CYTH1: variants seen among roughly 807,000 people sequenced by gnomAD.
CYTH1 encodes the protein cytohesin-1.
A neutral mutation model predicts 61.8 loss-of-function variants in CYTH1; 18 were observed. The ratio of observed to expected loss-of-function variants is 0.29; its 90% CI spans 0.20 to 0.43. The LOEUF is 0.43. Ranked by LOEUF, CYTH1 falls within the 20% of genes least tolerant of loss-of-function variation. CYTH1 has a pLI of 1.00. For synonymous variants in CYTH1, 174 were observed against 184.3 expected, an observed-to-expected ratio of 0.94 and a Z score of 0.45; for missense variants, 336 against 510.5, an observed-to-expected ratio of 0.66 and a Z score of 3.29.
intron 1 of CYTH1, among the ~76,000 whole-genome samples, chr17:78,712,396 T>C (rs934995502): frequency 6.6e-6 from 1 of 152,090 alleles, no homozygotes; most frequent in African/African-American, 2.4e-5. Context: ...CTCACACCTG[T>C]AATCTCAGCA....
chr17:78,735,377 C>T (rs957290229), intron 1 of CYTH1, among the ~76,000 whole-genome samples: 29 of 152,224 alleles, frequency 1.9e-4, no homozygotes, highest in African/African-American at 7.0e-4. Flanking sequence ...CTCCTGCTGT[C>T]CCAGCATAGT....
At chr17:78,754,296 C>T (rs921457122) in intron 1 of CYTH1, among the ~76,000 whole-genome samples, 2 of 152,250 alleles carry the variant, frequency 1.3e-5, no homozygotes, top group Middle Eastern at 3.4e-3. Flanking sequence ...CTAGTTTTTA[C>T]GTGACTTTCC....
chr17:78,745,194 A>C (rs2093355244), intron 1 of CYTH1, among the ~76,000 whole-genome samples: 1 of 152,146 alleles, frequency 6.6e-6, no homozygotes. Flanking sequence ...GAAGACCTCG[A>C]AGAACTCTGG....
chr17:78,750,815 A>C (rs1316696608), intron 1 of CYTH1, among the ~76,000 whole-genome samples: 1 of 147,918 alleles, frequency 6.8e-6, no homozygotes, highest in East Asian at 2.0e-4. Flanking sequence ...AAAAAAAAAA[A>C]CAAAAATAGT....
At chr17:78,693,782 C>T (rs1474361316) in intron 10 of CYTH1, among the ~76,000 whole-genome samples, 1 of 152,192 alleles carries the variant, frequency 6.6e-6, no homozygotes, top group Non-Finnish European at 1.5e-5. Flanking sequence ...CTCCACCTCT[C>T]TCCCATCAAG....
At chr17:78,692,073 T>G in intron 11 of CYTH1, 1 of 211,590 alleles carries the variant, frequency 4.7e-6, no homozygotes, top group Non-Finnish European at 9.4e-6. Flanking sequence ...TCCCTTTCAA[T>G]TAGGGCCACA....
chr17:78,756,794 T>C (rs937441218), intron 1 of CYTH1, among the ~76,000 whole-genome samples: 3 of 151,020 alleles, frequency 2.0e-5, no homozygotes, highest in Non-Finnish European at 2.9e-5. Context: ...GCCACTGCAC[T>C]CCAGCCTCGG....
At chr17:78,713,089 AT>A in intron 1 of CYTH1, among the ~76,000 whole-genome samples, 1 of 147,536 alleles carries the variant, frequency 6.8e-6, no homozygotes. Context: ...ATTAAAAAAT[AT>A]ATATATATAT....
intron 1 of CYTH1, among the ~76,000 whole-genome samples, chr17:78,753,196 A>G (rs1018585128): frequency 2.0e-5 from 3 of 152,184 alleles, no homozygotes; most frequent in Non-Finnish European, 4.4e-5. Flanking sequence ...GTGGTTGCTC[A>G]TGCCTTCAAT....
intron 1 of CYTH1, among the ~76,000 whole-genome samples, chr17:78,766,289 A>C: frequency 6.6e-6 from 1 of 152,132 alleles, no homozygotes; most frequent in East Asian, 1.9e-4. Context: ...AAAAAGGCTA[A>C]GAGAAGCCAT....
At chr17:78,739,909 T>C (rs1181429057) in intron 1 of CYTH1, among the ~76,000 whole-genome samples, 2 of 149,544 alleles carry the variant, frequency 1.3e-5, no homozygotes, top group East Asian at 2.0e-4. Context: ...CTTTCTGGCC[T>C]GGCAAGTGAA....
At chr17:78,753,536 TAAC>T (rs990722731) in intron 1 of CYTH1, among the ~76,000 whole-genome samples, 8 of 142,144 alleles carry the variant, frequency 5.6e-5, no homozygotes, top group African/African-American at 2.3e-4. Flanking sequence ...TAAATAAAGA[TAAC>T]AACAAAGAAT....
At chr17:78,776,971 C>T (rs995186289) in intron 1 of CYTH1, among the ~76,000 whole-genome samples, 14 of 151,428 alleles carry the variant, frequency 9.2e-5, no homozygotes, top group African/African-American at 2.7e-4. Flanking sequence ...AGTAAAAATA[C>T]AAAATTAGCC....
At chr17:78,752,087 A>T (rs958066457) in intron 1 of CYTH1, among the ~76,000 whole-genome samples, 2 of 152,232 alleles carry the variant, frequency 1.3e-5, no homozygotes, top group African/African-American at 4.8e-5. Flanking sequence ...ACTGGGAAAG[A>T]AACGGAGAAA....
rs564294661 is a variant in CYTH1 at position 78,676,079 on chromosome 17, T to G, written c.*12A>C. ...CCAAGGCCCCCGCAGACCAACGCCC[T>G]TGGCTGCACGCTCAGTGTCGCTTCG... On this transcript the variant is annotated 3_prime_UTR_variant, in exon 14 of 14. Transcript: ENST00000446868. 6.2e-7 allele frequency: 1 copy of G among 1,602,866 alleles called. No homozygotes were observed. The highest frequency in any genetic ancestry group is 1.1e-5 in the South Asian group (1 of 88,634).
rs570609345 is a variant in CYTH1, at chr17:78,685,130, C to T, written c.892-4088G>A. 5.9e-5 allele frequency among the ~76,000 whole-genome samples: 8 copies of T among 135,140 alleles called. 1 individual carries two copies. The highest frequency in any genetic ancestry group is 2.3e-4 in the East Asian group (1 of 4,274). The allele number at this position is 135,140 out of a possible 152,430, so 88.7% of individuals were successfully genotyped here. A position where few individuals can be genotyped will look rare whatever the true frequency, so the allele number is the denominator to read the frequency against. ...AGGAGAATTTCTTGAATCCGGGAGGCGGAGGTTGCAGTGAGCCACTGCAAG... is the reference window on the plus strand; with the variant it reads ...AGGAGAATTTCTTGAATCCGGGAGGTGGAGGTTGCAGTGAGCCACTGCAAG... On this transcript the variant is annotated intron_variant, in intron 11 of 13. Transcript: ENST00000446868.
chr17:78,761,977 C>T (rs544149066), intron 1 of CYTH1, among the ~76,000 whole-genome samples: 1 of 152,332 alleles, frequency 6.6e-6, no homozygotes, highest in African/African-American at 2.4e-5. Context: ...GTAACAGCAT[C>T]TGGCCTGCTT....
In CYTH1 at chr17:78,675,993, G is replaced by T. The variant is rs1308439644; in HGVS notation, c.*98C>A. Reference sequence around the variant, plus strand: ...CTCTAGGAATCCAGGGCGGGGCCTGGCAGAGGACGCTCTGCTCGGCAGCAG... The same window carrying T: ...CTCTAGGAATCCAGGGCGGGGCCTGTCAGAGGACGCTCTGCTCGGCAGCAG... On this transcript the variant is annotated 3_prime_UTR_variant, in exon 14 of 14. Transcript: ENST00000446868. The T allele has an allele frequency of 1.3e-6, 2 of 1,550,080 alleles. No homozygotes were observed. Among genetic ancestry groups the T allele is most frequent in the Admixed American group, 2.0e-5 (1 of 50,230 alleles).
rs1166093496 is a variant in CYTH1 at position 78,680,147 on chromosome 17, G to C, written c.1118+43C>G. On this transcript the variant is annotated intron_variant, in intron 13 of 13. Coordinates refer to ENST00000446868, the MANE Select transcript of CYTH1 (RefSeq NM_004762.6). ...GATGATCAACACCTGGTGAGGTGAG[G>C]GCTGCACCAGGCGCGCACTGCCCTT... The C allele has an allele frequency of 1.9e-6, 3 of 1,609,152 alleles. No homozygotes were observed. In the South Asian group the frequency reaches 3.3e-5, roughly 18 times the overall value.
Sources: gnomAD v4.1 joint callset for allele counts (sites outside exome capture counted in the v4.1 genomes callset) on GRCh38, gnomAD v4.1.1 for gene constraint, MANE v1.5 for transcripts, NCBI Gene and HGNC (gene_info 2026-07-23, HGNC 2026-07-21) for gene names.